IGF2R: variants seen among roughly 807,000 people sequenced by gnomAD.
IGF2R encodes insulin like growth factor 2 receptor, also known as cation-independent mannose-6-phosphate receptor.
In IGF2R, 91 loss-of-function variants were observed where a neutral mutation model predicts 270.6. That is an observed-to-expected ratio of 0.34 (90% CI 0.28 to 0.40). The LOEUF (loss-of-function observed/expected upper bound fraction) is 0.40. IGF2R is among the 10% of genes least tolerant of loss of function. The pLI, the probability that IGF2R is intolerant of heterozygous loss-of-function variation, is 1.00. For missense variants in IGF2R, 2,805 were observed against 3,188.3 expected, an observed-to-expected ratio of 0.88 and a Z score of 2.90; for synonymous variants, 1,316 against 1,258.9, an observed-to-expected ratio of 1.05 and a Z score of -0.96.
chr6:160,022,013 A>AACAC lies in IGF2R; in HGVS notation c.514-2534_514-2531dup, dbSNP rs58646750. On this transcript the variant is annotated intron_variant, in intron 4 of 47. Transcript: ENST00000356956. ...CCCACCAACGGATGACTAGGTAAAG[A>AACAC]ACACACACACACACACACACACACA... 7.8e-3 allele frequency among the ~76,000 whole-genome samples: 1,120 copies of AACAC among 142,732 alleles called. 12 individuals are homozygous for AACAC. The highest frequency in any genetic ancestry group is 0.023 in the African/African-American group (891 of 39,016). 93.6% of individuals were successfully genotyped at this position (142,732 alleles called of 152,430 possible).
intron 6 of IGF2R, 74 bp downstream of exon 6, chr6:160,027,388 A>G (rs2115226968): frequency 6.7e-7 from 1 of 1,487,164 alleles, no homozygotes. Flanking sequence ...AGCTGCAGGA[A>G]CATCCTTTTT....
chr6:160,063,922 A>T (rs952946115), intron 27 of IGF2R, among the ~76,000 whole-genome samples: 1 of 152,192 alleles, frequency 6.6e-6, no homozygotes, highest in Non-Finnish European at 1.5e-5. Flanking sequence ...TGAGCTAGCC[A>T]GTGTTGGATG....
chr6:160,102,623 C>T lies in IGF2R; in HGVS notation c.6947C>T (p.Ala2316Val), dbSNP rs774272340. 1.2e-5 allele frequency: 20 copies of T among 1,612,770 alleles called. No homozygotes were observed. The highest frequency in any genetic ancestry group is 6.7e-5 in the East Asian group (3 of 44,826). The change falls in exon 46 of 48, where the codon GCG becomes GTG. Residue 2316 changes from alanine (A) to valine (V), a missense_variant. Around this residue, in one of 2 missense-constraint regions of IGF2R, gnomAD observed 1,851 missense variants for 2,207.2 expected, o/e 0.84. Transcript: ENST00000356956. The surrounding 1 kb of genome is among the most constrained non-coding windows in gnomAD (Gnocchi z 4.5). ...VGAVLSLLLV[A>V]LTCCLLALLL... Reference sequence around the variant, plus strand: ...GCGGTGCTCAGCCTGCTGCTGGTGGCGCTCACCTGCTGCCTGCTGGCCCTG... The same window carrying T: ...GCGGTGCTCAGCCTGCTGCTGGTGGTGCTCACCTGCTGCCTGCTGGCCCTG...
intron 1 of IGF2R, among the ~76,000 whole-genome samples, chr6:159,986,098 C>T (rs1028243124): frequency 9.9e-5 from 15 of 152,100 alleles, no homozygotes; most frequent in Non-Finnish European, 1.8e-4. Context: ...TGCAGTTCTC[C>T]CCGCTCCTCT....
chr6:160,044,683 C>G, intron 13 of IGF2R, 26 bp downstream of exon 13: 1 of 1,582,066 alleles, frequency 6.3e-7, no homozygotes, highest in Non-Finnish European at 8.6e-7. Flanking sequence ...AAGATGAAAT[C>G]TTTTCTGGCT....
chr6:160,011,879 T>C (rs746622080), intron 4 of IGF2R, among the ~76,000 whole-genome samples: 15 of 152,226 alleles, frequency 9.9e-5, no homozygotes, highest in Admixed American at 9.8e-4. Context: ...TCTCTCCTAC[T>C]TTCTGTTTTT....
At chr6:160,000,740 T>TTTTTTTGTTTTG (rs1784116058) in intron 2 of IGF2R, among the ~76,000 whole-genome samples, 2 of 142,646 alleles carry the variant, frequency 1.4e-5, no homozygotes, top group African/African-American at 5.3e-5. Flanking sequence ...TTTTTTTTTT[T>TTTTTTTGTTTTG]TTTTTTTTTT....
chr6:160,090,280 A>G (rs1779190391), intron 44 of IGF2R, 177 bp downstream of exon 44: 2 of 441,046 alleles, frequency 4.5e-6, no homozygotes, highest in Non-Finnish European at 4.0e-6. Context: ...ACGTGTCAGA[A>G]CTAAGCATTT....
At chr6:160,003,250 A>G (rs1283228541) in intron 2 of IGF2R, 1 of 152,228 alleles carries the variant, frequency 6.6e-6, no homozygotes. Flanking sequence ...AAGATGTGAA[A>G]ATGCCTTTTC....
intron 2 of IGF2R, among the ~76,000 whole-genome samples, chr6:159,995,652 G>A (rs1228353705): frequency 6.6e-6 from 1 of 152,036 alleles, no homozygotes; most frequent in African/African-American, 2.4e-5. Context: ...TTCCTACAAT[G>A]AATTTTTCAT....
intron 29 of IGF2R, 32 bp downstream of exon 29, chr6:160,064,933 C>A: frequency 2.1e-6 from 3 of 1,403,928 alleles, no homozygotes; most frequent in Non-Finnish European, 3.0e-6. Context: ...CTCTTTTGGA[C>A]AGACTAACTT....
intron 11 of IGF2R, among the ~76,000 whole-genome samples, chr6:160,041,181 G>A (rs1237945415): frequency 6.6e-6 from 1 of 152,154 alleles, no homozygotes; most frequent in Non-Finnish European, 1.5e-5. Flanking sequence ...TGTCCTTGGG[G>A]GCCTGGAATT....
chr6:159,972,131 T>G (rs1783618110), intron 1 of IGF2R, among the ~76,000 whole-genome samples: 1 of 152,154 alleles, frequency 6.6e-6, no homozygotes, highest in Admixed American at 6.5e-5. Flanking sequence ...TTTAATTTGA[T>G]ACAAAAAATT....
intron 19 of IGF2R, among the ~76,000 whole-genome samples, chr6:160,054,382 T>C (rs1190617277): frequency 2.0e-5 from 3 of 152,168 alleles, no homozygotes; most frequent in Non-Finnish European, 4.4e-5. Flanking sequence ...GCAGAGGACA[T>C]GAAGGCCCTC....
rs563370168 is a variant in IGF2R at position 160,024,918 on chromosome 6, A to G, written c.646+214A>G. Among the ~76,000 whole-genome samples, 245 of 152,094 alleles carry G rather than the reference A, an allele frequency of 1.6e-3. 2 individuals carry two copies. Among genetic ancestry groups the G allele is most frequent in the African/African-American group, 5.8e-3 (239 of 41,462 alleles). ...CTCCTCCCCAACCCCTGTAGATTCC[A>G]TCCTAACTGTTGATCCATTCCATGT... On this transcript the variant is annotated intron_variant, in intron 5 of 47. Coordinates refer to ENST00000356956, the MANE Select transcript of IGF2R (RefSeq NM_000876.4).
chr6:160,056,830 C>T (rs1778327178), intron 20 of IGF2R, among the ~76,000 whole-genome samples: 1 of 152,170 alleles, frequency 6.6e-6, no homozygotes, highest in Non-Finnish European at 1.5e-5. Context: ...GCTTCTGCAC[C>T]ACCGGCAGAT....
chr6:160,092,421 G>T (rs1370431644), intron 44 of IGF2R, among the ~76,000 whole-genome samples: 1 of 152,264 alleles, frequency 6.6e-6, no homozygotes, highest in Non-Finnish European at 1.5e-5. Context: ...GGTATGTCTA[G>T]CAGACCTTTG....
At chr6:160,032,530 C>CT (rs1297335306) in intron 7 of IGF2R, 21 bp from the exon 8 acceptor site, 6 of 1,603,950 alleles carry the variant, frequency 3.7e-6, no homozygotes, top group Non-Finnish European at 5.1e-6. Context: ...TATTTTGCTT[C>CT]TTTCACATTG....
At chr6:159,989,854 G>A (rs1783949650) in intron 1 of IGF2R, among the ~76,000 whole-genome samples, 1 of 152,264 alleles carries the variant, frequency 6.6e-6, no homozygotes, top group Non-Finnish European at 1.5e-5. Context: ...GAAGGGAAGA[G>A]TAGACATTTG....
Sources: gnomAD v4.1 joint callset for allele counts (sites outside exome capture counted in the v4.1 genomes callset) on GRCh38, gnomAD v4.1.1 for gene constraint, gnomAD v4.1.1 regional missense constraint, Gnocchi (gnomAD v3.1) non-coding constraint, MANE v1.5 for transcripts, NCBI Gene and HGNC (gene_info 2026-07-23, HGNC 2026-07-21) for gene names.